NGEF: variants seen among roughly 807,000 people sequenced by gnomAD.
The protein encoded by NGEF is ephexin-1.
NGEF carries 31 observed loss-of-function variants against 80.9 expected under a neutral mutation model. That is an observed-to-expected ratio of 0.38 (90% confidence interval 0.29 to 0.52). The LOEUF is 0.52. NGEF is among the 20% of genes least tolerant of loss of function. The pLI, the probability that NGEF is intolerant of heterozygous loss-of-function variation, is 0.84. For synonymous variants in NGEF, 371 were observed against 370.2 expected (o/e 1.00, Z -0.03); for missense variants, 709 against 926.2 (o/e 0.77, Z 3.04).
At position 232,924,190 on chromosome 2, in the gene NGEF, T is replaced by C. The variant is rs1205483890; in HGVS notation, c.526+2854A>G. On this transcript the variant is annotated intron_variant, in intron 4 of 14. Transcript: ENST00000264051. ...AGGAGGAGGCTGCAGTGAGCCGAGA[T>C]TGCGCCACTGCACTCCAGTCTGGGT... Among the ~76,000 whole-genome samples, 4 of 152,128 alleles carry C rather than the reference T, an allele frequency of 2.6e-5. 1 individual carries two copies. Among genetic ancestry groups the C allele is most frequent in the Admixed American group, 1.3e-4 (2 of 15,276 alleles).
chr2:232,919,150 A>G (rs979842873), intron 5 of NGEF, among the ~76,000 whole-genome samples: 2 of 152,354 alleles, frequency 1.3e-5, no homozygotes, highest in Non-Finnish European at 2.9e-5. Context: ...TCTCAGGTAT[A>G]TGATGCTGGT....
At chr2:232,932,331 A>G (rs1326388698) in intron 3 of NGEF, among the ~76,000 whole-genome samples, 1 of 151,824 alleles carries the variant, frequency 6.6e-6, no homozygotes, top group African/African-American at 2.4e-5. Context: ...TGCCTGGCTA[A>G]ACTTTTTGTA....
intron 5 of NGEF, among the ~76,000 whole-genome samples, chr2:232,895,138 G>T (rs1692017224): frequency 6.6e-6 from 1 of 152,174 alleles, no homozygotes; most frequent in Non-Finnish European, 1.5e-5. Context: ...TACCCCTAAG[G>T]TGACAGGGCA....
At chr2:232,918,558 C>T (rs778359) in intron 5 of NGEF, among the ~76,000 whole-genome samples, 2 of 151,808 alleles carry the variant, frequency 1.3e-5, no homozygotes, top group African/African-American at 2.4e-5. Context: ...CCCTTTCTCT[C>T]CTTTTAGCTT....
chr2:232,923,630 G>T (rs1692993810), intron 4 of NGEF, among the ~76,000 whole-genome samples: 1 of 152,156 alleles, frequency 6.6e-6, no homozygotes, highest in Non-Finnish European at 1.5e-5. Context: ...AGCTACTCGG[G>T]AGGATGAGGC....
At chr2:233,005,815 T>G (rs1695072285) in intron 1 of NGEF, among the ~76,000 whole-genome samples, 1 of 152,064 alleles carries the variant, frequency 6.6e-6, no homozygotes, top group Non-Finnish European at 1.5e-5. Flanking sequence ...GTTTTTTGAT[T>G]TGTTTTGTTT....
chr2:232,984,211 A>G (rs1694491461), intron 1 of NGEF, among the ~76,000 whole-genome samples: 1 of 151,884 alleles, frequency 6.6e-6, no homozygotes, highest in African/African-American at 2.4e-5. Flanking sequence ...CAGCCTCCCC[A>G]GTAGCGAGGA....
At chr2:232,994,910 C>T (rs9678397) in intron 1 of NGEF, among the ~76,000 whole-genome samples, 132,229 of 150,338 alleles carry the variant, frequency 0.88, 58,332 homozygotes, top group East Asian at 0.99. Context: ...CATACATACA[C>T]ATGTATTATA....
chr2:232,949,860 G>A (rs1477434672), intron 3 of NGEF, among the ~76,000 whole-genome samples: 1 of 151,148 alleles, frequency 6.6e-6, no homozygotes, highest in Non-Finnish European at 1.5e-5. Flanking sequence ...TGCCCAGGCT[G>A]GAGTGCAGTG....
At chr2:232,989,497 T>C (rs1204865369) in intron 1 of NGEF, among the ~76,000 whole-genome samples, 1 of 152,168 alleles carries the variant, frequency 6.6e-6, no homozygotes, top group Non-Finnish European at 1.5e-5. Flanking sequence ...GTATTATGTA[T>C]TCAAAAATTA....
chr2:232,885,587 A>C (rs549173970), intron 9 of NGEF: 340 of 564,896 alleles, frequency 6.0e-4, no homozygotes, highest in Non-Finnish European at 9.9e-4. Context: ...TTGGGTGGAG[A>C]AAGTTGGTGC....
chr2:233,004,744 A>C (rs971423186), intron 1 of NGEF, among the ~76,000 whole-genome samples: 27 of 133,926 alleles, frequency 2.0e-4, no homozygotes, highest in South Asian at 2.5e-4. Context: ...CTCTCCCCTC[A>C]CCCCCCATCG....
intron 6 of NGEF, among the ~76,000 whole-genome samples, chr2:232,894,105 G>C (rs1691978591): frequency 6.6e-6 from 1 of 152,216 alleles, no homozygotes; most frequent in Non-Finnish European, 1.5e-5. Flanking sequence ...AAAACTCCAT[G>C]GCCTGCCCTG....
At chr2:232,889,419 C>T (rs1176000801) in intron 8 of NGEF, among the ~76,000 whole-genome samples, 1 of 152,192 alleles carries the variant, frequency 6.6e-6, no homozygotes, top group African/African-American at 2.4e-5. Flanking sequence ...CCACCCCTTT[C>T]TCTGAGCCCT....
intron 5 of NGEF, among the ~76,000 whole-genome samples, chr2:232,910,462 G>A (rs1160914156): frequency 1.3e-5 from 2 of 151,660 alleles, no homozygotes; most frequent in Non-Finnish European, 2.9e-5. Context: ...GGGTGGGGGG[G>A]GTAATGGGGG....
rs191854508 is a variant in NGEF, at chr2:233,004,743, C to G, written c.-75+8325G>C. On this transcript the variant is annotated intron_variant, in intron 1 of 14. Transcript: ENST00000264051. ...CCCTTCCCCCTGCTCCCTCTCCCCT[C>G]ACCCCCCATCGCTGAGAATCAGGCT... Among the ~76,000 whole-genome samples the G allele has an allele frequency of 7.5e-3, 1,145 of 152,126 alleles. 14 individuals carry two copies. The highest frequency in any genetic ancestry group is 0.025 in the African/African-American group (1,054 of 41,468).
intron 1 of NGEF, among the ~76,000 whole-genome samples, chr2:233,009,775 G>A (rs957091369): frequency 1.3e-5 from 2 of 152,172 alleles, no homozygotes; most frequent in African/African-American, 4.8e-5. Context: ...GTGCAGAAGT[G>A]AGGGATGAAT....
chr2:233,010,806 A>T (rs1446197030), intron 1 of NGEF, among the ~76,000 whole-genome samples: 2 of 152,242 alleles, frequency 1.3e-5, no homozygotes, highest in East Asian at 3.9e-4. Context: ...GTAAGGCTGA[A>T]GTCCTCAGCC....
rs116050417 is a variant in NGEF at position 232,998,965 on chromosome 2, G to A, written c.-75+14103C>T. Among the ~76,000 whole-genome samples, 1,016 of 152,282 alleles carry A rather than the reference G, an allele frequency of 6.7e-3. 4 individuals are homozygous for A. Among genetic ancestry groups the A allele is most frequent in the Non-Finnish European group, 0.011 (718 of 68,018 alleles). On this transcript the variant is annotated intron_variant, in intron 1 of 14. Coordinates refer to ENST00000264051, the MANE Select transcript of NGEF (RefSeq NM_019850.3). Reference sequence around the variant, plus strand: ...CCGCTCATACAATGAGCATAACTGCGTGCCACACTGTGCTAGGCCTCTGGT... The same window carrying A: ...CCGCTCATACAATGAGCATAACTGCATGCCACACTGTGCTAGGCCTCTGGT...
Sources: allele counts gnomAD v4.1 joint callset (sites outside exome capture counted in the v4.1 genomes callset), GRCh38; gene constraint gnomAD v4.1.1; transcripts MANE v1.5; gene names NCBI Gene and HGNC (gene_info 2026-07-23, HGNC 2026-07-21).